WWOX: variants seen among roughly 807,000 people sequenced by gnomAD.
The protein encoded by WWOX is WW domain-containing oxidoreductase.
In WWOX, 69 loss-of-function variants were observed where a neutral mutation model predicts 46.2. The observed-to-expected ratio is 1.49, with a 90% CI of 1.23 to 1.82. The LOEUF (loss-of-function observed/expected upper bound fraction) is 1.82, where lower values mean the gene tolerates loss of function less well. Among genes scored for constraint, WWOX ranks in the 40% most tolerant of loss-of-function variants. The pLI is 0.00. For missense variants in WWOX, 919 were observed against 542.6 expected (o/e 1.69, Z -6.89); for synonymous variants, 359 against 202.6 (o/e 1.77, Z -6.56).
At chr16:78,596,548 G>C (rs1859565470) in intron 8 of WWOX, among the ~76,000 whole-genome samples, 1 of 152,152 alleles carries the variant, frequency 6.6e-6, no homozygotes, top group Non-Finnish European at 1.5e-5. Context: ...AAGATGGGGT[G>C]TTCCAAGACT....
chr16:78,476,004 C>T (rs933786685), intron 8 of WWOX, among the ~76,000 whole-genome samples: 9 of 152,100 alleles, frequency 5.9e-5, no homozygotes, highest in Non-Finnish European at 1.2e-4. Flanking sequence ...CCTCCAGCTC[C>T]GCCACCCCAA....
chr16:78,405,252 G>A (rs192143364), intron 6 of WWOX, among the ~76,000 whole-genome samples: 2 of 152,236 alleles, frequency 1.3e-5, no homozygotes, highest in East Asian at 3.9e-4. Flanking sequence ...GGTCTCCAGG[G>A]GACACAGCCG....
intron 5 of WWOX, among the ~76,000 whole-genome samples, chr16:78,205,489 A>G (rs909505747): frequency 8.6e-5 from 13 of 151,570 alleles, no homozygotes; most frequent in African/African-American, 3.2e-4. Flanking sequence ...CCTTCCATAC[A>G]TTCATCTAGT....
At chr16:79,009,630 T>G (rs978324803) in intron 8 of WWOX, among the ~76,000 whole-genome samples, 1 of 152,212 alleles carries the variant, frequency 6.6e-6, no homozygotes, top group Non-Finnish European at 1.5e-5. Flanking sequence ...TTTGTATTTT[T>G]GGTAAAGACA....
chr16:79,116,689 C>A (rs139131342), intron 8 of WWOX, among the ~76,000 whole-genome samples: 2,115 of 152,128 alleles, frequency 0.014, 31 homozygotes, highest in Non-Finnish European at 0.017. Context: ...AACTTTTGAA[C>A]CCCTCAGAGT....
chr16:78,751,409 A>G (rs1173147397), intron 8 of WWOX, among the ~76,000 whole-genome samples: 1 of 145,528 alleles, frequency 6.9e-6, no homozygotes, highest in Non-Finnish European at 1.5e-5. Flanking sequence ...GTAAGAATTT[A>G]TCAGATTATA....
chr16:78,285,295 C>T (rs992679040), intron 5 of WWOX, among the ~76,000 whole-genome samples: 14 of 151,990 alleles, frequency 9.2e-5, no homozygotes, highest in South Asian at 4.2e-4. Flanking sequence ...CAAAATTAAC[C>T]GGGCTGGGTG....
At position 78,917,806 on chromosome 16, in the gene WWOX, G is replaced by A. The variant is rs139219557; in HGVS notation, c.1057-293802G>A. On this transcript the variant is annotated intron_variant, in intron 8 of 8. Transcript: ENST00000566780. Reference sequence around the variant, plus strand: ...AGTTTTTAAAGTTTGAGAAAAACCCGTATTGTGGAATGAAAATGATACTGA... The same window carrying A: ...AGTTTTTAAAGTTTGAGAAAAACCCATATTGTGGAATGAAAATGATACTGA... 1.5e-3 allele frequency among the ~76,000 whole-genome samples: 232 copies of A among 152,166 alleles called. 1 individual carries two copies. Among genetic ancestry groups the A allele is most frequent in the African/African-American group, 4.8e-3 (198 of 41,500 alleles).
At chr16:78,634,427 G>A (rs946768108) in intron 8 of WWOX, among the ~76,000 whole-genome samples, 2 of 152,168 alleles carry the variant, frequency 1.3e-5, no homozygotes, top group Non-Finnish European at 2.9e-5. Context: ...TGTAGGGACA[G>A]CCGGGCGCAG....
At chr16:79,186,205 G>C (rs1193585163) in intron 8 of WWOX, among the ~76,000 whole-genome samples, 1 of 152,098 alleles carries the variant, frequency 6.6e-6, no homozygotes, top group Non-Finnish European at 1.5e-5. Context: ...GATGATAACA[G>C]GAATAATTCA....
chr16:78,610,947 A>C (rs1319046852), intron 8 of WWOX, among the ~76,000 whole-genome samples: 1 of 152,192 alleles, frequency 6.6e-6, no homozygotes, highest in Non-Finnish European at 1.5e-5. Flanking sequence ...GGAATTTCAG[A>C]GACATGTTTC....
At chr16:78,957,452 T>G (rs2046190167) in intron 8 of WWOX, among the ~76,000 whole-genome samples, 1 of 152,178 alleles carries the variant, frequency 6.6e-6, no homozygotes, top group South Asian at 2.1e-4. Flanking sequence ...AGCCAGTGGC[T>G]CATTGTAGAC....
intron 8 of WWOX, among the ~76,000 whole-genome samples, chr16:78,641,943 A>G (rs1212410868): frequency 6.6e-6 from 1 of 152,182 alleles, no homozygotes; most frequent in Non-Finnish European, 1.5e-5. Flanking sequence ...CAGACACGGA[A>G]AAAAGGATTA....
chr16:78,657,634 AGATTTTAGTCCCCTCTT>A (rs949941806), intron 8 of WWOX, among the ~76,000 whole-genome samples: 1 of 152,118 alleles, frequency 6.6e-6, no homozygotes, highest in African/African-American at 2.4e-5. Flanking sequence ...TTCTGATGAC[AGATTTTAGTCCCCTCTT>A]GAATTTCCTT....
chr16:78,147,427 A>G (rs2034236679), intron 4 of WWOX, among the ~76,000 whole-genome samples: 2 of 152,090 alleles, frequency 1.3e-5, no homozygotes, highest in Admixed American at 1.3e-4. Flanking sequence ...GCCTGAATTT[A>G]AGTCATATTT....
Position 78,408,648 on chromosome 16 carries a change from G to A in WWOX, c.606-16222G>A, listed in dbSNP as rs542997440. Among the ~76,000 whole-genome samples, 19 of 152,306 alleles carry A rather than the reference G, an allele frequency of 1.2e-4. No individual in the cohort carries two copies. In the South Asian group the frequency reaches 1.5e-3, roughly 12 times the overall value. ...AAGTTGAAGGAACTTGTGTCATTCCGTTGTGCCTGTCGTCTTGACCTTGTA... is the reference window on the plus strand; with the variant it reads ...AAGTTGAAGGAACTTGTGTCATTCCATTGTGCCTGTCGTCTTGACCTTGTA... On this transcript the variant is annotated intron_variant, in intron 6 of 8. Transcript: ENST00000566780.
intron 8 of WWOX, among the ~76,000 whole-genome samples, chr16:78,773,287 T>G (rs1320961085): frequency 6.6e-6 from 1 of 152,196 alleles, no homozygotes; most frequent in African/African-American, 2.4e-5. Flanking sequence ...TACTACAACT[T>G]CTGGCTCTGG....
At chr16:78,245,718 C>T (rs976446948) in intron 5 of WWOX, among the ~76,000 whole-genome samples, 1 of 152,194 alleles carries the variant, frequency 6.6e-6, no homozygotes, top group Non-Finnish European at 1.5e-5. Context: ...TGGAATCGGT[C>T]CTGAGGCTTC....
chr16:78,359,309 T>G (rs1039507425), intron 5 of WWOX, among the ~76,000 whole-genome samples: 19 of 152,210 alleles, frequency 1.2e-4, no homozygotes, highest in African/African-American at 3.6e-4. Flanking sequence ...AACAAAAAGT[T>G]TTAGCATTTT....
Sources: gnomAD v4.1 joint callset for allele counts (sites outside exome capture counted in the v4.1 genomes callset) on GRCh38, gnomAD v4.1.1 for gene constraint, MANE v1.5 for transcripts, NCBI Gene and HGNC (gene_info 2026-07-23, HGNC 2026-07-21) for gene names.